Variants in ABCB11 observed in about 807,000 individuals in gnomAD.
ABCB11 encodes the protein bile salt export pump.
In ABCB11, 95 loss-of-function variants were observed where a neutral mutation model predicts 148.0. The ratio of observed to expected loss-of-function variants is 0.64; its 90% CI spans 0.54 to 0.76. The LOEUF (loss-of-function observed/expected upper bound fraction) is 0.76. Ranked by LOEUF, ABCB11 falls within the 30% of genes least tolerant of loss-of-function variation. ABCB11 has a pLI of 0.00. For synonymous variants in ABCB11, 591 were observed against 555.4 expected, an observed-to-expected ratio of 1.06 and a Z score of -0.90; for missense variants, 1,523 against 1,617.8, an observed-to-expected ratio of 0.94 and a Z score of 1.01.
intron 3 of ABCB11, among the ~76,000 whole-genome samples, chr2:169,016,188 C>T (rs1695350672): frequency 6.6e-6 from 1 of 152,146 alleles, no homozygotes; most frequent in East Asian, 1.9e-4. Context: ...CCACTCCCAG[C>T]CCAAAGCTAA....
In ABCB11 at chr2:168,935,436, A is replaced by G. The variant is rs1340700709; in HGVS notation, c.2815-11T>C. The G allele has an allele frequency of 1.8e-5, 29 of 1,606,572 alleles. No homozygotes were observed. Among genetic ancestry groups the G allele is most frequent in the Non-Finnish European group, 2.5e-5 (29 of 1,175,506 alleles). The stretch of plus-strand genomic sequence containing the variant: ...GGCTTCATTTGTAATCTGAAGATTG[A>G]AAAAGAGTCTTAGGAATACAAGGGC... On this transcript the variant is annotated splice_polypyrimidine_tract_variant and intron_variant, in intron 22 of 27. Transcript: ENST00000650372.
intron 22 of ABCB11, 146 bp downstream of exon 22, chr2:168,936,084 C>T: frequency 1.4e-6 from 1 of 730,876 alleles, no homozygotes; most frequent in South Asian, 2.3e-5. Flanking sequence ...GCCAAGCACG[C>T]ATAGAAAGGG....
At chr2:168,970,575 A>G (rs1693541138) in intron 14 of ABCB11, 3 of 357,160 alleles carry the variant, frequency 8.4e-6, no homozygotes, top group South Asian at 6.9e-5. Flanking sequence ...CTCCTGTTAG[A>G]CAACACAGCA....
chr2:168,964,197 G>C lies in ABCB11; in HGVS notation c.2178+9C>G. The C allele has an allele frequency of 1.9e-6, 3 of 1,546,070 alleles. No homozygotes were observed. The highest frequency in any genetic ancestry group is 2.6e-6 in the Non-Finnish European group (3 of 1,141,166). On this transcript the variant is annotated intron_variant, in intron 18 of 27. Coordinates refer to ENST00000650372, the MANE Select transcript of ABCB11 (RefSeq NM_003742.4). ...TTCCATTCCCCCCCATAAGCAGTTG[G>C]TGCCTGACCTTTCTATCTTCTTCAT...
At chr2:169,013,217 T>A in intron 5 of ABCB11, 55 bp downstream of exon 5, 1 of 1,372,480 alleles carries the variant, frequency 7.3e-7, no homozygotes, top group East Asian at 2.3e-5. Context: ...ACATTTTGAA[T>A]TACAATTTAA....
rs186265614 is a variant in ABCB11, at chr2:169,010,604, C to T, written c.389+2668G>A. On this transcript the variant is annotated intron_variant, in intron 5 of 27. Transcript: ENST00000650372. ...GAGAAACTGTACTTTTAATGATATACTTTTTCCACGAAAGAAACCTGCAAA... is the reference window on the plus strand; with the variant it reads ...GAGAAACTGTACTTTTAATGATATATTTTTTCCACGAAAGAAACCTGCAAA... 4.7e-3 allele frequency among the ~76,000 whole-genome samples: 720 copies of T among 152,216 alleles called. 3 individuals are homozygous for T. The highest frequency in any genetic ancestry group is 0.014 in the Middle Eastern group (4 of 294).
Position 168,927,382 on chromosome 2 carries a change from C to G in ABCB11, c.3412-20G>C, listed in dbSNP as rs199874398. The G allele has an allele frequency of 4.4e-6, 7 of 1,595,404 alleles. No individual in the cohort carries two copies. In the East Asian group the frequency reaches 1.3e-4, roughly 31 times the overall value. ...TATCATCTGCCAATAGAGGAGATGA[C>G]AGGTCATTAGGTTTTTAGAATTCCA... On this transcript the variant is annotated intron_variant, in intron 25 of 27. Transcript: ENST00000650372.
intron 9 of ABCB11, among the ~76,000 whole-genome samples, chr2:168,987,567 C>G (rs1020249206): frequency 3.3e-5 from 5 of 152,196 alleles, no homozygotes; most frequent in African/African-American, 1.2e-4. Flanking sequence ...GTAGCTGGGA[C>G]TACAGGTGTA....
chr2:168,992,372 T>A (rs1694558616), intron 8 of ABCB11, among the ~76,000 whole-genome samples: 1 of 152,040 alleles, frequency 6.6e-6, no homozygotes, highest in Admixed American at 6.6e-5. Flanking sequence ...GTGTGTATAT[T>A]ACTTTATCAC....
Position 168,923,844 on chromosome 2 carries a change from T to C in ABCB11, c.3766-22A>G, listed in dbSNP as rs761111451. The C allele has an allele frequency of 6.2e-6, 10 of 1,612,698 alleles. No individual in the cohort carries two copies. In the South Asian group the frequency reaches 7.7e-5, roughly 12 times the overall value. ...CCGTCTGCAAAGAGAAGATGGAAAG[T>C]TGATGCAAAGATGCATGATTGCTCC... On this transcript the variant is annotated intron_variant, in intron 27 of 27. Transcript: ENST00000650372.
intron 9 of ABCB11, among the ~76,000 whole-genome samples, chr2:168,988,481 A>C (rs1694403276): frequency 6.6e-6 from 1 of 152,038 alleles, no homozygotes; most frequent in Non-Finnish European, 1.5e-5. Context: ...ATGGCATGTA[A>C]ATTTACACAC....
rs1392966422 is a variant in ABCB11 at position 168,927,178 on chromosome 2, T to C, written c.3596A>G (p.Asp1199Gly). The C allele has an allele frequency of 6.2e-7, 1 of 1,613,804 alleles. No individual in the cohort carries two copies. Among genetic ancestry groups the C allele is most frequent in the Non-Finnish European group, 8.5e-7 (1 of 1,179,762 alleles). ...CACCTCTGGGAGTGACATGACAAAA[T>C]CATGCAGCTGAGCCTGTTTTGCAGC... is the stretch of plus-strand genomic sequence containing the variant. ...IAAAKQAQLHDFVMSLPEKYE... is the reference protein window; with the variant it reads ...IAAAKQAQLHGFVMSLPEKYE... Residue 1199 changes from aspartate to glycine, a missense_variant, in exon 26 of 28, where the codon GAT (aspartate) becomes GGT (glycine). Asp to Gly is a moderately conservative substitution (Grantham distance 94). Transcript: ENST00000650372.
At chr2:168,969,183 A>G (rs1039555046) in intron 16 of ABCB11, among the ~76,000 whole-genome samples, 167 bp downstream of exon 16, 2 of 151,304 alleles carry the variant, frequency 1.3e-5, no homozygotes, top group Non-Finnish European at 2.9e-5. Context: ...CTGTAACTTG[A>G]TCAGATAGCT....
rs542698041 is a variant in ABCB11 at position 168,992,922 on chromosome 2, C to T, written c.783+789G>A. On this transcript the variant is annotated intron_variant, in intron 8 of 27. Coordinates refer to ENST00000650372, the MANE Select transcript of ABCB11 (RefSeq NM_003742.4). Reference sequence around the variant, plus strand: ...CAGTTTTTCAGTTAAATTCTATTCTCATTTATAGCACAGTTTTAGTATGCC... The same window carrying T: ...CAGTTTTTCAGTTAAATTCTATTCTTATTTATAGCACAGTTTTAGTATGCC... 7.2e-5 allele frequency among the ~76,000 whole-genome samples: 11 copies of T among 152,148 alleles called. No individual in the cohort carries two copies. The East Asian group carries it at 1.5e-3, about 21-fold the overall frequency.
intron 1 of ABCB11, among the ~76,000 whole-genome samples, chr2:169,024,044 G>C (rs760345206): frequency 6.6e-6 from 1 of 152,202 alleles, no homozygotes; most frequent in South Asian, 2.1e-4. Flanking sequence ...GGGCCTATTG[G>C]GGGAGGGCAG....
chr2:169,013,583 T>TTACTAGATTC, intron 4 of ABCB11, 73 bp from the exon 5 acceptor site: 1 of 1,255,152 alleles, frequency 8.0e-7, no homozygotes, highest in Non-Finnish European at 1.1e-6. Flanking sequence ...CTTAATTTAG[T>TTACTAGATTC]TACTAGATTC....
chr2:168,918,575 C>G (rs1690989410), downstream of ABCB11, among the ~76,000 whole-genome samples: 2 of 152,140 alleles, frequency 1.3e-5, no homozygotes, highest in Admixed American at 1.3e-4. Context: ...CACAATATAA[C>G]ATGGGCATTG....
At chr2:168,975,214 A>C (rs1319935959) in intron 12 of ABCB11, among the ~76,000 whole-genome samples, 1 of 95,326 alleles carries the variant, frequency 1.0e-5, no homozygotes, top group African/African-American at 4.3e-5. Flanking sequence ...TTTATATTTA[A>C]ATATTTATAG....
intron 26 of ABCB11, among the ~76,000 whole-genome samples, chr2:168,926,020 T>C (rs1269906247): frequency 2.6e-5 from 4 of 152,208 alleles, no homozygotes; most frequent in African/African-American, 7.2e-5. Context: ...CTTAGGAGAC[T>C]TTGTGAAAAG....
Sources: gnomAD v4.1 joint callset for allele counts (sites outside exome capture counted in the v4.1 genomes callset) on GRCh38, gnomAD v4.1.1 for gene constraint, MANE v1.5 for transcripts, NCBI Gene and HGNC (gene_info 2026-07-23, HGNC 2026-07-21) for gene names.